Variants in UBE2R2 observed in about 807,000 individuals in gnomAD.
The protein encoded by UBE2R2 is ubiquitin conjugating enzyme E2 R2, also known as ubiquitin-conjugating enzyme E2 R2.
In UBE2R2, 1 loss-of-function variant was observed where a neutral mutation model predicts 27.8. The ratio of observed to expected loss-of-function variants is 0.04; its 90% CI spans 0.01 to 0.17. The LOEUF (loss-of-function observed/expected upper bound fraction) is 0.17, where lower values mean the gene tolerates loss of function less well. UBE2R2 is among the 10% of genes least tolerant of loss of function. UBE2R2 has a pLI of 1.00. For synonymous variants in UBE2R2, 106 were observed against 113.3 expected, an observed-to-expected ratio of 0.94 and a Z score of 0.41; for missense variants, 100 against 291.0, an observed-to-expected ratio of 0.34 and a Z score of 4.78.
chr9:33,900,139 G>C (rs774529120), intron 2 of UBE2R2, 35 bp from the exon 3 acceptor site: 1 of 1,543,114 alleles, frequency 6.5e-7, no homozygotes, highest in Non-Finnish European at 8.9e-7. Flanking sequence ...ATCACTTTTT[G>C]AGTATTTACT....
chr9:33,863,005 G>A (rs1214107343), intron 1 of UBE2R2, among the ~76,000 whole-genome samples: 2 of 151,966 alleles, frequency 1.3e-5, no homozygotes, highest in African/African-American at 2.4e-5. Context: ...TGGCTAACAT[G>A]GTGAAACCAC....
chr9:33,820,903 T>C (rs1350330569), intron 1 of UBE2R2, among the ~76,000 whole-genome samples: 1 of 152,236 alleles, frequency 6.6e-6, no homozygotes, highest in Non-Finnish European at 1.5e-5. Context: ...AATTTTTTTA[T>C]TCATCCTGCT....
intron 1 of UBE2R2, among the ~76,000 whole-genome samples, chr9:33,821,179 GT>G (rs1825975738): frequency 6.6e-6 from 1 of 152,092 alleles, no homozygotes; most frequent in African/African-American, 2.4e-5. Context: ...CTTTTTCAGG[GT>G]CTTTCTCTGT....
At chr9:33,885,589 G>C (rs868101919) in intron 1 of UBE2R2, among the ~76,000 whole-genome samples, 1 of 152,138 alleles carries the variant, frequency 6.6e-6, no homozygotes, top group South Asian at 2.1e-4. Context: ...TCCTCTCCAG[G>C]GCCTGTCAGC....
At chr9:33,854,962 G>T (rs1325105) in intron 1 of UBE2R2, among the ~76,000 whole-genome samples, 59,407 of 151,692 alleles carry the variant, frequency 0.39, 12,013 homozygotes, top group African/African-American at 0.47. Flanking sequence ...TCCACCCACC[G>T]TAGCCTCCCA....
At chr9:33,878,208 G>A (rs1821657379) in intron 1 of UBE2R2, among the ~76,000 whole-genome samples, 1 of 152,140 alleles carries the variant, frequency 6.6e-6, no homozygotes, top group Non-Finnish European at 1.5e-5. Flanking sequence ...TTAAGTAATT[G>A]AGCAATACGC....
chr9:33,894,107 T>C lies in UBE2R2; in HGVS notation c.265-6067T>C, dbSNP rs183555713. Among the ~76,000 whole-genome samples, 225 of 152,258 alleles carry C rather than the reference T, an allele frequency of 1.5e-3. 2 individuals carry two copies. The highest frequency in any genetic ancestry group is 3.8e-4 in the Non-Finnish European group (26 of 68,018). ...CAGTGTGTGTGTGTTCCAGTTTCTT[T>C]ACATCCTTACCAACACTTGTTATTT... On this transcript the variant is annotated intron_variant, in intron 2 of 4. Transcript: ENST00000263228.
intron 1 of UBE2R2, among the ~76,000 whole-genome samples, chr9:33,843,365 A>T (rs573100614): frequency 1.4e-4 from 21 of 149,614 alleles, no homozygotes; most frequent in Admixed American, 2.0e-4. Context: ...ACCTCTTTTT[A>T]AAAAAAAAAT....
In UBE2R2 at chr9:33,822,906, A is replaced by ATTG. The variant is rs1263355055; in HGVS notation, c.177+4974_177+4975insGTT. Reference sequence around the variant, plus strand: ...TTTTTTCTTTTTCTTCTTCTTATTAATTTTTTTTTTTTTTTTTTAGCTGAG... The same window carrying ATTG: ...TTTTTTCTTTTTCTTCTTCTTATTAATTGTTTTTTTTTTTTTTTTTTAGCTGAG... On this transcript the variant is annotated intron_variant, in intron 1 of 4. Coordinates refer to ENST00000263228, the MANE Select transcript of UBE2R2 (RefSeq NM_017811.4). Among the ~76,000 whole-genome samples, 4 of 127,870 alleles carry ATTG rather than the reference A, an allele frequency of 3.1e-5. 1 individual carries two copies. The highest frequency in any genetic ancestry group is 8.9e-5 in the African/African-American group (3 of 33,662). 83.9% of individuals were successfully genotyped at this position (127,870 alleles called of 152,430 possible).
At chr9:33,911,903 G>T in intron 3 of UBE2R2, 61 bp from the exon 4 acceptor site, 1 of 1,480,416 alleles carries the variant, frequency 6.8e-7, no homozygotes, top group East Asian at 2.3e-5. Flanking sequence ...TTAAAAAGCA[G>T]AATACTTTTA....
rs573804025 is a variant in UBE2R2 at position 33,848,554 on chromosome 9, A to C, written c.177+30620A>C. ...TATATCACCTCAGTTTCAAAAGACT[A>C]CAGAAGATTGAATTCTGTCCTCTAG... On this transcript the variant is annotated intron_variant, in intron 1 of 4. Coordinates refer to ENST00000263228, the MANE Select transcript of UBE2R2 (RefSeq NM_017811.4). Among the ~76,000 whole-genome samples, 6 of 152,196 alleles carry C rather than the reference A, an allele frequency of 3.9e-5. No individual in the cohort carries two copies. The East Asian group carries it at 1.2e-3, about 29-fold the overall frequency.
rs147258539 is a variant in UBE2R2 at position 33,918,313 on chromosome 9, C to T, written c.*1076C>T. 2.6e-5 allele frequency: 4 copies of T among 151,946 alleles called. No individual in the cohort carries two copies. Among genetic ancestry groups the T allele is most frequent in the South Asian group, 2.1e-4 (1 of 4,820 alleles). The allele number at this position is 151,946 out of a possible 1,614,324, so 9.4% of individuals were successfully genotyped here. A position where few individuals can be genotyped will look rare whatever the true frequency, so the allele number is the denominator to read the frequency against. On this transcript the variant is annotated 3_prime_UTR_variant, in exon 5 of 5. Transcript: ENST00000263228. ...CATGTGTTAAGATTTCGGTTTTCAT[C>T]GAGCTGCTTATACTGATAGTGAAAA...
intron 1 of UBE2R2, among the ~76,000 whole-genome samples, chr9:33,821,894 T>C (rs573530132): frequency 6.6e-6 from 1 of 152,206 alleles, no homozygotes; most frequent in South Asian, 2.1e-4. Flanking sequence ...GTAATCCTAA[T>C]TAGAGGCCTG....
chr9:33,834,489 G>A (rs1820569276), intron 1 of UBE2R2, among the ~76,000 whole-genome samples: 2 of 151,918 alleles, frequency 1.3e-5, no homozygotes, highest in Admixed American at 1.3e-4. Flanking sequence ...TGGGATTACA[G>A]GCGTGAGCCA....
At chr9:33,872,716 G>A (rs1391401444) in intron 1 of UBE2R2, among the ~76,000 whole-genome samples, 1 of 151,732 alleles carries the variant, frequency 6.6e-6, no homozygotes, top group Non-Finnish European at 1.5e-5. Context: ...AACCTGGGAG[G>A]TGGAGGTTGC....
chr9:33,850,463 C>T (rs1444463835), intron 1 of UBE2R2, among the ~76,000 whole-genome samples: 1 of 152,034 alleles, frequency 6.6e-6, no homozygotes, highest in Non-Finnish European at 1.5e-5. Flanking sequence ...TCTACTATTC[C>T]CTGATAAATC....
intron 1 of UBE2R2, among the ~76,000 whole-genome samples, chr9:33,821,655 T>G (rs188474145): frequency 2.6e-5 from 4 of 152,104 alleles, no homozygotes; most frequent in African/African-American, 9.7e-5. Flanking sequence ...CTCACTCTTT[T>G]GCCAGGCTGG....
intron 1 of UBE2R2, among the ~76,000 whole-genome samples, chr9:33,880,888 A>C (rs1017603563): frequency 1.1e-4 from 16 of 152,090 alleles, no homozygotes; most frequent in African/African-American, 3.9e-4. Flanking sequence ...TTTCATCCCG[A>C]AACACCCACC....
At chr9:33,886,385 G>C (rs544661027) in intron 1 of UBE2R2, among the ~76,000 whole-genome samples, 2 of 152,112 alleles carry the variant, frequency 1.3e-5, no homozygotes, top group Non-Finnish European at 2.9e-5. Context: ...GGCAGGGCAC[G>C]GTGGCTCACG....
Sources: gnomAD v4.1 joint callset for allele counts (sites outside exome capture counted in the v4.1 genomes callset) on GRCh38, gnomAD v4.1.1 for gene constraint, MANE v1.5 for transcripts, NCBI Gene and HGNC (gene_info 2026-07-23, HGNC 2026-07-21) for gene names.